The following AGTR1 variants were observed in gnomAD, a reference collection of about 807,000 sequenced individuals.
AGTR1 encodes type-1 angiotensin II receptor.
AGTR1 carries 16 observed loss-of-function variants against 19.4 expected under a neutral mutation model. The ratio of observed to expected loss-of-function variants is 0.82; its 90% CI spans 0.56 to 1.25. The LOEUF (loss-of-function observed/expected upper bound fraction) is 1.25, where lower values mean the gene tolerates loss of function less well. Ranked by LOEUF, AGTR1 falls within the 50% of genes most tolerant of loss-of-function variation. AGTR1 has a pLI of 0.00. For missense variants in AGTR1, 373 were observed against 431.9 expected (o/e 0.86, Z 1.21); for synonymous variants, 153 against 154.9 (o/e 0.99, Z 0.09).
At position 148,741,197 on chromosome 3, in the gene AGTR1, CT is replaced by C. The variant is rs773441421; in HGVS notation, c.166del (p.Tyr56IlefsTer2). 45 of 1,614,022 alleles carry C rather than the reference CT, an allele frequency of 2.8e-5. No homozygotes were observed. Among genetic ancestry groups the C allele is most frequent in the Non-Finnish European group, 3.8e-5 (45 of 1,180,038 alleles). On this transcript the variant is annotated frameshift_variant, in exon 3 of 3. Transcript: ENST00000349243. LOFTEE classifies it high-confidence loss of function. Reference sequence around the variant, plus strand: ...ACAGCTTGGTGGTGATAGTCATTTACTTTTATATGAAGCTGAAGACTGTGGC... The same window carrying C: ...ACAGCTTGGTGGTGATAGTCATTTACTTTATATGAAGCTGAAGACTGTGGC... ...GNSLVVIVIY[F>X]YMKLKTVASV...
intron 2 of AGTR1, among the ~76,000 whole-genome samples, chr3:148,730,841 GAA>G (rs572271541): frequency 1.4e-3 from 216 of 152,244 alleles, no homozygotes; most frequent in African/African-American, 4.9e-3. Context: ...CACACTTTCA[GAA>G]CCATTGCTAG....
chr3:148,715,398 T>A (rs1713239234), intron 2 of AGTR1, among the ~76,000 whole-genome samples: 1 of 152,184 alleles, frequency 6.6e-6, no homozygotes, highest in South Asian at 2.1e-4. Context: ...TCCTACCAGC[T>A]TAGGCAGAGG....
At chr3:148,700,724 C>T (rs371159000) in intron 1 of AGTR1, among the ~76,000 whole-genome samples, 1 of 152,218 alleles carries the variant, frequency 6.6e-6, no homozygotes, top group Non-Finnish European at 1.5e-5. Flanking sequence ...GCCAGAGCAA[C>T]ACAATGTGAC....
rs1482980695 is a variant in AGTR1 at position 148,742,309 on chromosome 3, A to G, written c.*194A>G. The G allele has an allele frequency of 1.2e-6, 1 of 820,978 alleles. No individual in the cohort carries two copies. Among genetic ancestry groups the G allele is most frequent in the Non-Finnish European group, 2.1e-6 (1 of 476,876 alleles). 50.9% of individuals were successfully genotyped at this position (820,978 alleles called of 1,614,324 possible). A position where few individuals can be genotyped will look rare whatever the true frequency, so the allele number is the denominator to read the frequency against. Reference sequence around the variant, plus strand: ...TTTCCTTTTGCAACAAGACAAAGCAAAGCCACATTTTGCATTAGACAGATG... The same window carrying G: ...TTTCCTTTTGCAACAAGACAAAGCAGAGCCACATTTTGCATTAGACAGATG... On this transcript the variant is annotated 3_prime_UTR_variant, in exon 3 of 3. Coordinates refer to ENST00000349243, the MANE Select transcript of AGTR1 (RefSeq NM_000685.5).
chr3:148,706,661 TAAACAACCTAATTG>T (rs1321564447), intron 1 of AGTR1, among the ~76,000 whole-genome samples: 1 of 151,870 alleles, frequency 6.6e-6, no homozygotes, highest in Non-Finnish European at 1.5e-5. Flanking sequence ...TGAGAAACAA[TAAACAACCTAATTG>T]AAACATGAGC....
chr3:148,705,130 A>G (rs1487457193), intron 1 of AGTR1, among the ~76,000 whole-genome samples: 1 of 152,204 alleles, frequency 6.6e-6, no homozygotes, highest in East Asian at 1.9e-4. Context: ...TGGTTTCACT[A>G]AGCCCCAATA....
At chr3:148,710,069 T>C (rs568467442) in intron 2 of AGTR1, among the ~76,000 whole-genome samples, 1 of 152,180 alleles carries the variant, frequency 6.6e-6, no homozygotes, top group African/African-American at 2.4e-5. Flanking sequence ...AGTAGACACA[T>C]GTGGTTAGTG....
intron 2 of AGTR1, among the ~76,000 whole-genome samples, chr3:148,739,611 C>G (rs1040489352): frequency 6.6e-6 from 1 of 152,180 alleles, no homozygotes; most frequent in African/African-American, 2.4e-5. Flanking sequence ...GGCAAAGAGA[C>G]CACTTAAGAA....
intron 1 of AGTR1, among the ~76,000 whole-genome samples, chr3:148,702,533 A>C (rs1712409200): frequency 6.6e-6 from 1 of 152,190 alleles, no homozygotes; most frequent in South Asian, 2.1e-4. Flanking sequence ...AGCTAAGCAC[A>C]TATTTTGGCA....
At position 148,732,501 on chromosome 3, in the gene AGTR1, T is replaced by C. The variant is rs1440586273; in HGVS notation, c.-47-8488T>C. On this transcript the variant is annotated intron_variant, in intron 2 of 2. Transcript: ENST00000349243. ...AGTAAACAGTAAATTTTTTTCACTT[T>C]GTTGTTTCAATACAAAGAGTTCTTG... is the stretch of plus-strand genomic sequence containing the variant. 2.6e-5 allele frequency among the ~76,000 whole-genome samples: 4 copies of C among 152,132 alleles called. No homozygotes were observed. In the East Asian group the frequency reaches 5.8e-4, roughly 22 times the overall value.
chr3:148,713,135 A>C (rs1003685850), intron 2 of AGTR1, among the ~76,000 whole-genome samples: 9 of 152,216 alleles, frequency 5.9e-5, no homozygotes, highest in African/African-American at 2.2e-4. Flanking sequence ...CAAACCCCTT[A>C]AGATAATGTG....
rs1713024196 is a variant in AGTR1 at position 148,712,173 on chromosome 3, A to T, written c.-48+4146A>T. ...AAGAGTGCTGTTGTCTTTTCCCTTC[A>T]ATTAGTCATTCCTTTTAAGACTTTT... On this transcript the variant is annotated intron_variant, in intron 2 of 2. Coordinates refer to ENST00000349243, the MANE Select transcript of AGTR1 (RefSeq NM_000685.5). 2.0e-5 allele frequency among the ~76,000 whole-genome samples: 3 copies of T among 152,210 alleles called. No homozygotes were observed. In the South Asian group the frequency reaches 6.2e-4, roughly 32 times the overall value.
At chr3:148,734,449 G>A (rs905916005) in intron 2 of AGTR1, among the ~76,000 whole-genome samples, 1 of 152,084 alleles carries the variant, frequency 6.6e-6, no homozygotes, top group Non-Finnish European at 1.5e-5. Flanking sequence ...TTTCTTGTGA[G>A]GTCAGATGAC....
At chr3:148,730,763 G>A (rs1286267996) in intron 2 of AGTR1, among the ~76,000 whole-genome samples, 1 of 152,188 alleles carries the variant, frequency 6.6e-6, no homozygotes, top group Non-Finnish European at 1.5e-5. Flanking sequence ...CAGTAGGTCT[G>A]TGGTGGGGCC....
intron 1 of AGTR1, among the ~76,000 whole-genome samples, chr3:148,700,204 C>T (rs939435910): frequency 2.0e-5 from 3 of 152,080 alleles, no homozygotes; most frequent in Non-Finnish European, 4.4e-5. Context: ...GTTCCTGCTG[C>T]TACTTACGAC....
intron 2 of AGTR1, chr3:148,730,431 G>C (rs552746485): frequency 4.3e-4 from 164 of 377,014 alleles, no homozygotes; most frequent in Non-Finnish European, 6.7e-4. Flanking sequence ...AGCTGCAAAG[G>C]GGATTTTACT....
intron 2 of AGTR1, chr3:148,731,547 A>G (rs1006622675): frequency 1.3e-5 from 2 of 152,214 alleles, no homozygotes; most frequent in African/African-American, 4.8e-5. Flanking sequence ...CCCTTGTATT[A>G]TAGAACAATT....
chr3:148,706,721 C>T (rs1712688461), intron 1 of AGTR1, among the ~76,000 whole-genome samples: 1 of 151,852 alleles, frequency 6.6e-6, no homozygotes, highest in Admixed American at 6.6e-5. Context: ...AGAAGAATTA[C>T]TATGGAAACA....
chr3:148,728,578 T>C (rs145381192), intron 2 of AGTR1, among the ~76,000 whole-genome samples: 1 of 152,286 alleles, frequency 6.6e-6, no homozygotes, highest in Non-Finnish European at 1.5e-5. Flanking sequence ...CAGCATCTGA[T>C]AAGTAGTTAA....
Sources: gnomAD v4.1 joint callset for allele counts (sites outside exome capture counted in the v4.1 genomes callset) on GRCh38, gnomAD v4.1.1 for gene constraint, MANE v1.5 for transcripts, NCBI Gene and HGNC (gene_info 2026-07-23, HGNC 2026-07-21) for gene names.